The following C6 variants were observed in gnomAD, a reference collection of about 807,000 sequenced individuals.
The protein encoded by C6 is complement component C6.
C6 carries 101 observed loss-of-function variants against 112.9 expected under a neutral mutation model. That is an observed-to-expected ratio of 0.89 (90% confidence interval 0.76 to 1.06). The LOEUF is 1.06. Among genes scored for constraint, C6 ranks in the 50% least tolerant of loss-of-function variants. The pLI is 0.00. For synonymous variants in C6, 431 were observed against 384.1 expected, an observed-to-expected ratio of 1.12 and a Z score of -1.43; for missense variants, 1,202 against 1,104.6, an observed-to-expected ratio of 1.09 and a Z score of -1.25.
chr5:41,209,165 C>A (rs563599658), intron 1 of C6, among the ~76,000 whole-genome samples: 1 of 152,280 alleles, frequency 6.6e-6, no homozygotes, highest in African/African-American at 2.4e-5. Flanking sequence ...CGACAAAATT[C>A]AACAGCACTT....
intron 1 of C6, among the ~76,000 whole-genome samples, chr5:41,232,269 A>T (rs913698045): frequency 6.6e-6 from 1 of 152,080 alleles, no homozygotes; most frequent in African/African-American, 2.4e-5. Flanking sequence ...TGGCCGTCTT[A>T]GTAGCCCTTA....
At chr5:41,180,346 G>A (rs1435217391) in intron 7 of C6, among the ~76,000 whole-genome samples, 3 of 152,122 alleles carry the variant, frequency 2.0e-5, no homozygotes, top group Admixed American at 2.0e-4. Context: ...GCTACTTAGA[G>A]TGGTGGTTGT....
intron 1 of C6, among the ~76,000 whole-genome samples, chr5:41,228,445 A>G (rs1739666647): frequency 6.6e-6 from 1 of 152,118 alleles, no homozygotes; most frequent in East Asian, 1.9e-4. Flanking sequence ...TGGATATCTT[A>G]TTTCTTTCTC....
Position 41,170,897 on chromosome 5 carries a change from T to C in C6, c.1291+1328A>G, listed in dbSNP as rs560506859. Reference sequence around the variant, plus strand: ...GGCATAGGAGAGAGCATGACTTGTTTAGGAGGCTGTATAAAGTTTAGCTGT... The same window carrying C: ...GGCATAGGAGAGAGCATGACTTGTTCAGGAGGCTGTATAAAGTTTAGCTGT... On this transcript the variant is annotated intron_variant, in intron 9 of 17. Transcript: ENST00000337836. Among the ~76,000 whole-genome samples, 16 of 152,218 alleles carry C rather than the reference T, an allele frequency of 1.1e-4. No homozygotes were observed. In the South Asian group the frequency reaches 3.1e-3, roughly 30 times the overall value.
intron 7 of C6, among the ~76,000 whole-genome samples, chr5:41,178,620 C>T (rs1749065178): frequency 6.6e-6 from 1 of 150,774 alleles, no homozygotes; most frequent in Non-Finnish European, 1.5e-5. Flanking sequence ...GGACCACAAG[C>T]CCCCGCCACC....
chr5:41,252,374 A>C (rs181859250), intron 1 of C6, among the ~76,000 whole-genome samples: 230 of 152,290 alleles, frequency 1.5e-3, no homozygotes, highest in Non-Finnish European at 2.5e-3. Flanking sequence ...AGGGGAGGTC[A>C]GTTATGCCTC....
At chr5:41,167,822 A>G (rs548073988) in intron 9 of C6, among the ~76,000 whole-genome samples, 1 of 152,280 alleles carries the variant, frequency 6.6e-6, no homozygotes, top group South Asian at 2.1e-4. Flanking sequence ...TGGTGAAATC[A>G]CTGATGCCTT....
rs763335645 is a variant in C6, at chr5:41,195,845, T to A, written c.534A>T (p.Ala178=). ...TGGGATTATACTTCCGTGTGCATACTGCCTTTGTCCTCCCACAGTCCCTTT... is the reference window on the plus strand; with the variant it reads ...TGGGATTATACTTCCGTGTGCATACAGCCTTTGTCCTCCCACAGTCCCTTT... ...SDERDCGRTK[A]VCTRKYNPIP... is the part of the protein sequence containing the mutation. The change falls in exon 5 of 18, where the codon GCA becomes GCT. Residue 178 remains alanine (A), a synonymous_variant. Coordinates refer to ENST00000337836, the MANE Select transcript of C6 (RefSeq NM_000065.5). 39 of 1,613,904 alleles carry A rather than the reference T, an allele frequency of 2.4e-5. No individual in the cohort carries two copies. The highest frequency in any genetic ancestry group is 4.0e-5 in the African/African-American group (3 of 74,932).
intron 4 of C6, among the ~76,000 whole-genome samples, chr5:41,199,142 C>T (rs1221614538): frequency 2.0e-5 from 3 of 152,090 alleles, no homozygotes; most frequent in Non-Finnish European, 2.9e-5. Flanking sequence ...GGTCAATTTT[C>T]TGTGGAATTG....
intron 1 of C6, among the ~76,000 whole-genome samples, chr5:41,247,586 C>T (rs1021978000): frequency 5.3e-5 from 8 of 151,606 alleles, no homozygotes; most frequent in Admixed American, 1.3e-4. Flanking sequence ...GGCATTGTGG[C>T]GGGCGCCTGT....
At chr5:41,213,129 C>T (rs537212757) in intron 1 of C6, 1 of 152,796 alleles carries the variant, frequency 6.5e-6, no homozygotes, top group South Asian at 2.1e-4. Context: ...AGTATGTTTG[C>T]TTTACTTTTA....
chr5:41,205,198 G>C (rs1751339302), intron 1 of C6, among the ~76,000 whole-genome samples: 1 of 152,156 alleles, frequency 6.6e-6, no homozygotes, highest in Middle Eastern at 3.2e-3. Context: ...CCAACTCATA[G>C]ATATGCTGCT....
At chr5:41,178,000 T>C (rs985746808) in intron 7 of C6, among the ~76,000 whole-genome samples, 2 of 152,196 alleles carry the variant, frequency 1.3e-5, no homozygotes, top group African/African-American at 4.8e-5. Flanking sequence ...TTCTGGAAGG[T>C]TCAATATTTC....
chr5:41,238,421 G>A, intron 1 of C6, among the ~76,000 whole-genome samples: 1 of 152,112 alleles, frequency 6.6e-6, no homozygotes. Context: ...CAGAAATAAT[G>A]CCACATATCT....
At chr5:41,210,465 C>T (rs1349743719) in intron 1 of C6, among the ~76,000 whole-genome samples, 1 of 152,030 alleles carries the variant, frequency 6.6e-6, no homozygotes, top group South Asian at 2.1e-4. Flanking sequence ...TGCAATCTAC[C>T]CATCCGACAA....
chr5:41,228,008 G>A (rs1739630812), intron 1 of C6, among the ~76,000 whole-genome samples: 1 of 152,090 alleles, frequency 6.6e-6, no homozygotes, highest in South Asian at 2.1e-4. Flanking sequence ...TGTGAAGAAT[G>A]CCATTATGAT....
At chr5:41,168,366 C>G (rs1310147800) in intron 9 of C6, among the ~76,000 whole-genome samples, 1 of 151,974 alleles carries the variant, frequency 6.6e-6, no homozygotes, top group Non-Finnish European at 1.5e-5. Flanking sequence ...GTGGGATGCT[C>G]GAGGCATTTT....
At chr5:41,154,678 C>T (rs1746727473) in intron 14 of C6, among the ~76,000 whole-genome samples, 1 of 152,152 alleles carries the variant, frequency 6.6e-6, no homozygotes, top group African/African-American at 2.4e-5. Flanking sequence ...AAGCAGATGT[C>T]TGTGGTTAGA....
At chr5:41,205,750 G>C (rs939100712) in intron 1 of C6, among the ~76,000 whole-genome samples, 2 of 152,326 alleles carry the variant, frequency 1.3e-5, no homozygotes. Context: ...GCCCACCACA[G>C]CTCAAGGAGG....
Sources: gnomAD v4.1 joint callset for allele counts (sites outside exome capture counted in the v4.1 genomes callset) on GRCh38, gnomAD v4.1.1 for gene constraint, MANE v1.5 for transcripts, NCBI Gene and HGNC (gene_info 2026-07-23, HGNC 2026-07-21) for gene names.